Variants in CPE observed in about 807,000 individuals in gnomAD.
CPE encodes the protein carboxypeptidase E, also known as carbocypeptidase E.
A neutral mutation model predicts 53.5 loss-of-function variants in CPE; 17 were observed. The ratio of observed to expected loss-of-function variants is 0.32; its 90% CI spans 0.22 to 0.48. CPE has a LOEUF of 0.48. Among genes scored for constraint, CPE ranks in the 20% least tolerant of loss-of-function variants. The pLI, the probability that CPE is intolerant of heterozygous loss-of-function variation, is 0.99. For missense variants in CPE, 524 were observed against 614.7 expected (o/e 0.85, Z 1.56); for synonymous variants, 226 against 228.8 (o/e 0.99, Z 0.11).
intron 1 of CPE, among the ~76,000 whole-genome samples, chr4:165,459,901 TGA>T (rs1386051089): frequency 3.6e-5 from 4 of 111,062 alleles, no homozygotes; most frequent in African/African-American, 1.5e-4. Context: ...GGCAACAGAG[TGA>T]GACTCTGTCT....
chr4:165,456,115 T>A (rs943956224), intron 1 of CPE, among the ~76,000 whole-genome samples: 2 of 152,250 alleles, frequency 1.3e-5, no homozygotes, highest in African/African-American at 4.8e-5. Context: ...GCCTTTTTAT[T>A]GTGAAGGTCG....
chr4:165,476,714 C>T (rs951340832), intron 3 of CPE, among the ~76,000 whole-genome samples: 5 of 152,130 alleles, frequency 3.3e-5, no homozygotes, highest in African/African-American at 4.8e-5. Context: ...CCTCTCCTGC[C>T]CTGCTCATGT....
chr4:165,412,945 C>A (rs1280713059), intron 1 of CPE, among the ~76,000 whole-genome samples: 3 of 152,224 alleles, frequency 2.0e-5, no homozygotes, highest in Non-Finnish European at 4.4e-5. Context: ...TAATTCCCTG[C>A]AGGTGCTCAC....
chr4:165,399,802 G>T (rs908414873), intron 1 of CPE, among the ~76,000 whole-genome samples: 1 of 152,094 alleles, frequency 6.6e-6, no homozygotes, highest in African/African-American at 2.4e-5. Flanking sequence ...AAGAATGGAG[G>T]ACACATTTAA....
chr4:165,413,849 T>C (rs1438022954), intron 1 of CPE, among the ~76,000 whole-genome samples: 1 of 152,190 alleles, frequency 6.6e-6, no homozygotes, highest in Non-Finnish European at 1.5e-5. Flanking sequence ...TGTTTATCTT[T>C]CTGGAAATGT....
intron 3 of CPE, among the ~76,000 whole-genome samples, chr4:165,474,563 C>T (rs1170212843): frequency 2.0e-5 from 3 of 152,252 alleles, no homozygotes; most frequent in Non-Finnish European, 2.9e-5. Flanking sequence ...CCAGTCTTAC[C>T]GTGTACCCAT....
At chr4:165,489,788 A>G (rs1287741092) in intron 6 of CPE, among the ~76,000 whole-genome samples, 1 of 152,258 alleles carries the variant, frequency 6.6e-6, no homozygotes, top group African/African-American at 2.4e-5. Flanking sequence ...CATCCAATTC[A>G]TCTGACAGTA....
chr4:165,427,511 C>T (rs900581873), intron 1 of CPE, among the ~76,000 whole-genome samples: 1 of 152,068 alleles, frequency 6.6e-6, no homozygotes, highest in Non-Finnish European at 1.5e-5. Context: ...ATGGACATGG[C>T]ATAATTTATT....
chr4:165,421,651 G>A (rs1731223051), intron 1 of CPE, among the ~76,000 whole-genome samples: 1 of 140,506 alleles, frequency 7.1e-6, no homozygotes, highest in African/African-American at 2.6e-5. Context: ...TGGAGTTGTA[G>A]TTATAGAATT....
chr4:165,429,344 G>A (rs114931909), intron 1 of CPE, among the ~76,000 whole-genome samples: 1,539 of 152,226 alleles, frequency 0.01, 22 homozygotes, highest in African/African-American at 0.035. Flanking sequence ...AATAATTTTG[G>A]AAATCCAAGT....
intron 1 of CPE, among the ~76,000 whole-genome samples, chr4:165,432,464 T>A (rs919508052): frequency 4.1e-4 from 62 of 152,030 alleles, no homozygotes; most frequent in African/African-American, 1.4e-3. Flanking sequence ...CCTGGCTAAG[T>A]TTTTTAATTT....
At chr4:165,427,741 A>G (rs942671504) in intron 1 of CPE, among the ~76,000 whole-genome samples, 10 of 152,210 alleles carry the variant, frequency 6.6e-5, no homozygotes, top group African/African-American at 2.4e-4. Flanking sequence ...AAAAGTGGAT[A>G]TAATACTTCT....
intron 1 of CPE, among the ~76,000 whole-genome samples, chr4:165,407,031 C>T (rs539951840): frequency 6.6e-6 from 1 of 152,280 alleles, no homozygotes; most frequent in Non-Finnish European, 1.5e-5. Flanking sequence ...CTATCATGAA[C>T]AAGGCTGCTG....
chr4:165,468,351 C>A (rs953538328), intron 3 of CPE, among the ~76,000 whole-genome samples: 1 of 152,118 alleles, frequency 6.6e-6, no homozygotes, highest in Non-Finnish European at 1.5e-5. Flanking sequence ...CTTCCCTGGG[C>A]TTCCCTCCTT....
chr4:165,466,648 C>T (rs529366732), intron 2 of CPE, among the ~76,000 whole-genome samples: 1 of 152,198 alleles, frequency 6.6e-6, no homozygotes, highest in South Asian at 2.1e-4. Flanking sequence ...TCCCAAGTAG[C>T]TGGGATTACA....
At chr4:165,443,307 G>A (rs756550574) in intron 1 of CPE, among the ~76,000 whole-genome samples, 14 of 151,968 alleles carry the variant, frequency 9.2e-5, no homozygotes, top group Non-Finnish European at 1.9e-4. Context: ...CTATCAAATT[G>A]CTAATTCTGT....
At chr4:165,383,975 G>T (rs1184753238) in intron 1 of CPE, among the ~76,000 whole-genome samples, 1 of 152,224 alleles carries the variant, frequency 6.6e-6, no homozygotes, top group African/African-American at 2.4e-5. Context: ...GAGAAGGCAA[G>T]TTGGGCTTGC....
chr4:165,448,716 A>G (rs1731758224), intron 1 of CPE, among the ~76,000 whole-genome samples: 1 of 152,218 alleles, frequency 6.6e-6, no homozygotes, highest in African/African-American at 2.4e-5. Flanking sequence ...ACCCATAGCA[A>G]TGGGCTGCCT....
intron 1 of CPE, among the ~76,000 whole-genome samples, chr4:165,432,951 C>G (rs375837953): frequency 7.8e-4 from 118 of 152,184 alleles, no homozygotes; most frequent in African/African-American, 2.8e-3. Flanking sequence ...CCAACCTAGT[C>G]CAAGCCAACA....
Sources: allele counts gnomAD v4.1 joint callset (sites outside exome capture counted in the v4.1 genomes callset), GRCh38; gene constraint gnomAD v4.1.1; transcripts MANE v1.5; gene names NCBI Gene and HGNC (gene_info 2026-07-23, HGNC 2026-07-21).